Variants in ANTXR2 observed in about 807,000 individuals in gnomAD.
The protein encoded by ANTXR2 is anthrax toxin receptor 2.
Under a neutral mutation model 73.7 loss-of-function variants are expected in ANTXR2, and 44 were observed. The ratio of observed to expected loss-of-function variants is 0.60; its 90% CI spans 0.47 to 0.77. The LOEUF is 0.77. Among genes scored for constraint, ANTXR2 ranks in the 30% least tolerant of loss-of-function variants. The pLI, the probability that ANTXR2 is intolerant of heterozygous loss-of-function variation, is 0.00. For synonymous variants in ANTXR2, 217 were observed against 205.9 expected, an observed-to-expected ratio of 1.05 and a Z score of -0.46; for missense variants, 604 against 592.5, an observed-to-expected ratio of 1.02 and a Z score of -0.20.
chr4:79,989,428 T>C (rs1056682885), intron 12 of ANTXR2, among the ~76,000 whole-genome samples: 3 of 151,982 alleles, frequency 2.0e-5, no homozygotes, highest in African/African-American at 7.2e-5. Context: ...CTTCTGAAGA[T>C]TGACCAACAA....
At chr4:79,920,770 T>A (rs1727563202) in intron 16 of ANTXR2, among the ~76,000 whole-genome samples, 2 of 152,122 alleles carry the variant, frequency 1.3e-5, no homozygotes, top group Admixed American at 1.3e-4. Context: ...CATTACTAAT[T>A]ATACAAAATT....
intron 7 of ANTXR2, among the ~76,000 whole-genome samples, chr4:80,039,542 G>A (rs903010980): frequency 6.6e-6 from 1 of 151,996 alleles, no homozygotes; most frequent in African/African-American, 2.4e-5. Context: ...AATGCACAAC[G>A]TTGCTAATCA....
At chr4:79,973,352 A>G (rs1378247945) in intron 16 of ANTXR2, among the ~76,000 whole-genome samples, 1 of 151,752 alleles carries the variant, frequency 6.6e-6, no homozygotes, top group Non-Finnish European at 1.5e-5. Flanking sequence ...TGGGATAGGG[A>G]ATTTATATGG....
At chr4:80,069,168 C>T (rs1194851172) in intron 3 of ANTXR2, among the ~76,000 whole-genome samples, 1 of 151,724 alleles carries the variant, frequency 6.6e-6, no homozygotes, top group African/African-American at 2.4e-5. Flanking sequence ...AACAGAGAGG[C>T]CGGGGAAGGT....
intron 16 of ANTXR2, among the ~76,000 whole-genome samples, chr4:79,937,774 G>A (rs1027008792): frequency 4.0e-5 from 6 of 151,818 alleles, no homozygotes; most frequent in East Asian, 2.0e-4. Flanking sequence ...CAGCGTGAGC[G>A]ACGCAGAAGA....
chr4:79,931,627 C>A (rs978244411), intron 16 of ANTXR2, among the ~76,000 whole-genome samples: 1 of 152,066 alleles, frequency 6.6e-6, no homozygotes, highest in Admixed American at 6.6e-5. Context: ...GCGCCAACCC[C>A]GAAAAGGTTC....
intron 10 of ANTXR2, among the ~76,000 whole-genome samples, chr4:80,025,508 TAATA>T (rs1208834630): frequency 2.6e-5 from 4 of 152,182 alleles, no homozygotes; most frequent in African/African-American, 9.7e-5. Flanking sequence ...TTGCTGGAAG[TAATA>T]AATAATTTAC....
Position 79,984,842 on chromosome 4 carries a change from G to A in ANTXR2, c.1063C>T (p.Pro355Ser). ...ACCTCTTTTGGTGCAGGGGCGGGTG[G>A]TGGTGGAGGATCCTTAATAACCTGT... is the stretch of plus-strand genomic sequence containing the variant. ...CKVVIKDPPP[P>S]PAPAPKEEEE... The change falls in exon 13 of 17, where the codon CCA becomes TCA. Residue 355 changes from proline (P) to serine (S), a missense_variant. Transcript: ENST00000403729. 1.9e-6 allele frequency: 3 copies of A among 1,607,452 alleles called. No individual in the cohort carries two copies. The highest frequency in any genetic ancestry group is 2.5e-6 in the Non-Finnish European group (3 of 1,176,480).
intron 16 of ANTXR2, chr4:79,964,885 G>T (rs1482430584): frequency 1.3e-5 from 2 of 152,386 alleles, no homozygotes; most frequent in East Asian, 3.9e-4. Context: ...ACTTCCCGCC[G>T]CAATCAAAGC....
In ANTXR2 at chr4:79,926,956, T is replaced by C. The variant is rs1229119484; in HGVS notation, c.1429-19489A>G. Among the ~76,000 whole-genome samples, 7 of 56,532 alleles carry C rather than the reference T, an allele frequency of 1.2e-4. No homozygotes were observed. In the East Asian group the frequency reaches 0.015, roughly 119 times the overall value. The allele number at this position is 56,532 out of a possible 152,430, so 37.1% of individuals were successfully genotyped here. ...ATGTGCATATATGTGTATATATACGTGTGCATATATGTGTATATATACGTG... is the reference window on the plus strand; with the variant it reads ...ATGTGCATATATGTGTATATATACGCGTGCATATATGTGTATATATACGTG... On this transcript the variant is annotated intron_variant, in intron 16 of 16. Coordinates refer to ENST00000403729, the MANE Select transcript of ANTXR2 (RefSeq NM_058172.6).
intron 16 of ANTXR2, among the ~76,000 whole-genome samples, chr4:79,911,470 T>G (rs969453763): frequency 6.6e-6 from 1 of 151,852 alleles, no homozygotes; most frequent in South Asian, 2.1e-4. Context: ...AGAATACATA[T>G]AGACCTATAT....
At chr4:79,961,172 A>T (rs993300184) in intron 16 of ANTXR2, among the ~76,000 whole-genome samples, 1 of 152,034 alleles carries the variant, frequency 6.6e-6, no homozygotes, top group Admixed American at 6.5e-5. Context: ...ACACATGTAG[A>T]ATAATGTAGA....
At chr4:80,035,381 T>C (rs1732904616) in intron 8 of ANTXR2, among the ~76,000 whole-genome samples, 1 of 152,106 alleles carries the variant, frequency 6.6e-6, no homozygotes, top group Admixed American at 6.6e-5. Flanking sequence ...CCAATATTTT[T>C]CCTTTTTAAA....
intron 7 of ANTXR2, among the ~76,000 whole-genome samples, chr4:80,051,676 A>G (rs1436293296): frequency 9.2e-5 from 14 of 151,732 alleles, no homozygotes; most frequent in Admixed American, 7.2e-4. Context: ...GATCAAATAC[A>G]TTTTAGAGAA....
chr4:80,055,204 C>G lies in ANTXR2; in HGVS notation c.501G>C (p.Arg167Ser). The change falls in exon 6 of 17, where the codon AGG becomes AGC. Residue 167 changes from arginine (R) to serine (S), a missense_variant. Arg to Ser is a moderately radical substitution (Grantham distance 110, BLOSUM62 -1). Coordinates refer to ENST00000403729, the MANE Select transcript of ANTXR2 (RefSeq NM_058172.6). ...SYAEKEAKIS[R>S]SLGASVYCVG... is the part of the protein sequence containing the mutation. ...CACAATAAACACTAGCCCCAAGTGACCTGGATATCTTTGCCTATGGAGAAT... is the reference window on the plus strand; with the variant it reads ...CACAATAAACACTAGCCCCAAGTGAGCTGGATATCTTTGCCTATGGAGAAT... 1 of 1,569,024 alleles carries G rather than the reference C, an allele frequency of 6.4e-7. No homozygotes were observed. The highest frequency in any genetic ancestry group is 8.7e-7 in the Non-Finnish European group (1 of 1,155,520).
intron 2 of ANTXR2, among the ~76,000 whole-genome samples, chr4:80,071,162 A>G (rs766269412): frequency 2.0e-5 from 3 of 152,256 alleles, no homozygotes; most frequent in South Asian, 2.1e-4. Context: ...ACACATGTTC[A>G]TTTGAAGTTT....
chr4:79,930,815 T>C (rs981504539), intron 16 of ANTXR2, among the ~76,000 whole-genome samples: 6 of 152,336 alleles, frequency 3.9e-5, no homozygotes, highest in East Asian at 3.9e-4. Flanking sequence ...AAAATAGATA[T>C]AGTGTAAACG....
chr4:79,966,729 A>C (rs1729380183), intron 16 of ANTXR2, among the ~76,000 whole-genome samples: 1 of 152,192 alleles, frequency 6.6e-6, no homozygotes, highest in South Asian at 2.1e-4. Flanking sequence ...ACAAATAATG[A>C]AATATTACTT....
chr4:79,966,427 T>C (rs1424266461), intron 16 of ANTXR2, among the ~76,000 whole-genome samples: 2 of 152,174 alleles, frequency 1.3e-5, no homozygotes, highest in Non-Finnish European at 2.9e-5. Context: ...TGTCTTCTCG[T>C]GCATAGATAA....
Sources: gnomAD v4.1 joint callset for allele counts (sites outside exome capture counted in the v4.1 genomes callset) on GRCh38, gnomAD v4.1.1 for gene constraint, MANE v1.5 for transcripts, NCBI Gene and HGNC (gene_info 2026-07-23, HGNC 2026-07-21) for gene names.